Variants in TC2N observed in about 807,000 individuals in gnomAD.
The protein encoded by TC2N is tandem C2 domains nuclear protein.
A neutral mutation model predicts 61.9 loss-of-function variants in TC2N; 51 were observed. The ratio of observed to expected loss-of-function variants is 0.82; its 90% CI spans 0.66 to 1.04. The LOEUF (loss-of-function observed/expected upper bound fraction) is 1.04. Among genes scored for constraint, TC2N ranks in the 50% least tolerant of loss-of-function variants. TC2N has a pLI of 0.00. For missense variants in TC2N, 556 were observed against 566.7 expected, an observed-to-expected ratio of 0.98 and a Z score of 0.19; for synonymous variants, 204 against 192.6, an observed-to-expected ratio of 1.06 and a Z score of -0.49.
In TC2N at chr14:91,854,396, TGAGGAG is replaced by T. The variant is rs1266755945; in HGVS notation, c.-57+12860_-57+12865del. Among the ~76,000 whole-genome samples the T allele has an allele frequency of 1.8e-4, 20 of 112,234 alleles. No homozygotes were observed. In the South Asian group the frequency reaches 2.8e-3, roughly 16 times the overall value. The allele number at this position is 112,234 out of a possible 152,430, so 73.6% of individuals were successfully genotyped here. ...ACTTTTAAAAGCTCTACACATAAGATGAGGAGGAGGAGGAGGAGGAGGGGGAGGGGG... is the reference window on the plus strand; with the variant it reads ...ACTTTTAAAAGCTCTACACATAAGATGAGGAGGAGGAGGAGGGGGAGGGGG... On this transcript the variant is annotated intron_variant, in intron 1 of 11. Transcript: ENST00000435962.
At chr14:91,819,540 C>T (rs1356850318) in intron 1 of TC2N, among the ~76,000 whole-genome samples, 3 of 152,146 alleles carry the variant, frequency 2.0e-5, no homozygotes, top group Non-Finnish European at 2.9e-5. Context: ...AACAGAGCTA[C>T]ACCACAAGAA....
At chr14:91,796,138 T>C (rs1377766916) in intron 8 of TC2N, among the ~76,000 whole-genome samples, 1 of 152,068 alleles carries the variant, frequency 6.6e-6, no homozygotes, top group Non-Finnish European at 1.5e-5. Context: ...AATTGTTTAA[T>C]TCAGAAAGTA....
At chr14:91,840,826 A>C (rs1888150033) in intron 1 of TC2N, among the ~76,000 whole-genome samples, 1 of 152,124 alleles carries the variant, frequency 6.6e-6, no homozygotes, top group Non-Finnish European at 1.5e-5. Context: ...TACCTGGATA[A>C]CTGTTACCCA....
Position 91,837,525 on chromosome 14 carries a change from A to T in TC2N, c.-56-23700T>A, listed in dbSNP as rs148329905. ...GTGCTGGGATTACAAGCATTGAGCC[A>T]CGGTGCCAGCCTGGGTGGTGGGACT... On this transcript the variant is annotated intron_variant, in intron 1 of 11. Coordinates refer to ENST00000435962, the MANE Select transcript of TC2N (RefSeq NM_001128596.3). This position sits in a 1 kb window ranked among gnomAD's most constrained non-coding sequence, Gnocchi z 4.2. 1.5e-3 allele frequency among the ~76,000 whole-genome samples: 226 copies of T among 152,264 alleles called. 4 individuals carry two copies. Among genetic ancestry groups the T allele is most frequent in the African/African-American group, 4.7e-3 (194 of 41,554 alleles).
intron 1 of TC2N, chr14:91,866,657 G>A (rs1548818): frequency 0.2 from 29,804 of 152,096 alleles, 2,959 homozygotes; most frequent in Middle Eastern, 0.26. Context: ...GAGGTCACTT[G>A]ACAAGCTCAG....
intron 3 of TC2N, among the ~76,000 whole-genome samples, chr14:91,810,171 T>A (rs370078744): frequency 3.9e-5 from 6 of 152,048 alleles, no homozygotes; most frequent in African/African-American, 1.2e-4. Context: ...CAGGCTCTTT[T>A]AAACAACCAG....
At chr14:91,803,081 C>G (rs189905885) in intron 3 of TC2N, among the ~76,000 whole-genome samples, 1 of 152,108 alleles carries the variant, frequency 6.6e-6, no homozygotes, top group East Asian at 1.9e-4. Flanking sequence ...GAAATAGACA[C>G]CCGTTTCATG....
chr14:91,794,670 T>C (rs1885816900), intron 8 of TC2N, among the ~76,000 whole-genome samples: 1 of 152,056 alleles, frequency 6.6e-6, no homozygotes, highest in African/African-American at 2.4e-5. Flanking sequence ...AAAAAAAAGA[T>C]TCCTTTCAAA....
At chr14:91,783,683 G>A (rs1006585091) in intron 11 of TC2N, among the ~76,000 whole-genome samples, 1 of 152,000 alleles carries the variant, frequency 6.6e-6, no homozygotes, top group Admixed American at 6.6e-5. Context: ...AGTCATTCTT[G>A]ATCAATAGTA....
At chr14:91,836,493 C>A (rs1191486687) in intron 1 of TC2N, 5 of 151,618 alleles carry the variant, frequency 3.3e-5, no homozygotes, top group African/African-American at 7.3e-5. Context: ...TCACTTACCC[C>A]CTCCCCTCCA....
chr14:91,857,270 G>A (rs1479209017), intron 1 of TC2N, among the ~76,000 whole-genome samples: 8 of 152,168 alleles, frequency 5.3e-5, no homozygotes, highest in Non-Finnish European at 7.3e-5. Context: ...GAGGGAAAAC[G>A]TTGCTAGAAA....
intron 1 of TC2N, among the ~76,000 whole-genome samples, chr14:91,843,695 C>T (rs1231468287): frequency 2.0e-5 from 3 of 152,176 alleles, no homozygotes; most frequent in African/African-American, 7.2e-5. Flanking sequence ...AAGCTTTCCT[C>T]ATCTGTTTTT....
intron 10 of TC2N, 92 bp from the exon 11 acceptor site, chr14:91,785,453 T>TAA (rs1416702917): frequency 7.2e-6 from 6 of 828,810 alleles, no homozygotes; most frequent in Non-Finnish European, 9.4e-6. Context: ...TATATATATA[T>TAA]AACATTTATT....
intron 1 of TC2N, among the ~76,000 whole-genome samples, chr14:91,863,632 G>A (rs1238209668): frequency 6.6e-6 from 1 of 152,112 alleles, no homozygotes; most frequent in African/African-American, 2.4e-5. Context: ...CAGCAGAAAA[G>A]AATGTGGGGT....
chr14:91,780,283 T>A lies in TC2N; in HGVS notation c.*2817A>T, dbSNP rs934510142. 6 of 152,210 alleles carry A rather than the reference T, an allele frequency of 3.9e-5. No homozygotes were observed. Among genetic ancestry groups the A allele is most frequent in the African/African-American group, 1.2e-4 (5 of 41,460 alleles). The allele number at this position is 152,210 out of a possible 1,614,324, so 9.4% of individuals were successfully genotyped here. The stretch of plus-strand genomic sequence containing the variant: ...TTTGATTAAACAAAAATGGAAAATG[T>A]TACTAGGAGATATAGTTTATACCTG... On this transcript the variant is annotated 3_prime_UTR_variant, in exon 12 of 12. Coordinates refer to ENST00000435962, the MANE Select transcript of TC2N (RefSeq NM_001128596.3).
chr14:91,807,846 T>C (rs1400826848), intron 3 of TC2N, among the ~76,000 whole-genome samples: 1 of 152,174 alleles, frequency 6.6e-6, no homozygotes, highest in Non-Finnish European at 1.5e-5. Flanking sequence ...GGTTTGGCTG[T>C]GTCCCCACCC....
At chr14:91,787,674 GAAAC>G in intron 9 of TC2N, 47 bp from the exon 10 acceptor site, 1 of 1,123,008 alleles carries the variant, frequency 8.9e-7, no homozygotes, top group Non-Finnish European at 1.3e-6. Flanking sequence ...TAAAGTTTTT[GAAAC>G]AATTCAAAAA....
At chr14:91,836,132 G>C (rs913466563) in intron 1 of TC2N, 2 of 152,470 alleles carry the variant, frequency 1.3e-5, no homozygotes, top group Admixed American at 6.5e-5. Context: ...GCCCCACCAC[G>C]GCCCCATTTT....
At chr14:91,801,416 G>A (rs1478230261) in intron 4 of TC2N, among the ~76,000 whole-genome samples, 1 of 152,208 alleles carries the variant, frequency 6.6e-6, no homozygotes, top group African/African-American at 2.4e-5. Flanking sequence ...CAATTTGGGA[G>A]GCCAAGGCAG....
Sources: gnomAD v4.1 joint callset for allele counts (sites outside exome capture counted in the v4.1 genomes callset) on GRCh38, gnomAD v4.1.1 for gene constraint, Gnocchi (gnomAD v3.1) non-coding constraint, MANE v1.5 for transcripts, NCBI Gene and HGNC (gene_info 2026-07-23, HGNC 2026-07-21) for gene names.